The following CHAT variants were observed in gnomAD, a reference collection of about 807,000 sequenced individuals.
CHAT encodes choline O-acetyltransferase, also known as acetyl CoA:choline O-acetyltransferase.
A neutral mutation model predicts 76.9 loss-of-function variants in CHAT; 61 were observed. The observed-to-expected ratio is 0.79, with a 90% CI of 0.65 to 0.98. CHAT has a LOEUF of 0.98. CHAT is among the 50% of genes least tolerant of loss of function. The pLI, the probability that CHAT is intolerant of heterozygous loss-of-function variation, is 0.00. For missense variants in CHAT, 946 were observed against 986.9 expected (o/e 0.96, Z 0.56); for synonymous variants, 407 against 397.4 (o/e 1.02, Z -0.29).
chr10:49,654,557 T>A lies in CHAT; in HGVS notation c.1635-538T>A, dbSNP rs531392373. Reference sequence around the variant, plus strand: ...GCAGCCACTGCTGCTCAGGACACAGTCATCAGGGAAGAGAGGCACAGCCAT... The same window carrying A: ...GCAGCCACTGCTGCTCAGGACACAGACATCAGGGAAGAGAGGCACAGCCAT... On this transcript the variant is annotated intron_variant, in intron 11 of 14. Transcript: ENST00000337653. 2.6e-5 allele frequency among the ~76,000 whole-genome samples: 4 copies of A among 152,288 alleles called. No homozygotes were observed. In the East Asian group the frequency reaches 7.7e-4, roughly 29 times the overall value.
chr10:49,650,831 A>G (rs1158044078), intron 10 of CHAT, among the ~76,000 whole-genome samples: 1 of 152,080 alleles, frequency 6.6e-6, no homozygotes, highest in African/African-American at 2.4e-5. Flanking sequence ...GTGGGCATGG[A>G]GGGGCCTCAG....
In CHAT at chr10:49,619,780, A is replaced by T; in HGVS notation, c.443A>T (p.Gln148Leu). 1.9e-6 allele frequency: 3 copies of T among 1,614,084 alleles called. No homozygotes were observed. Among genetic ancestry groups the T allele is most frequent in the Non-Finnish European group, 2.5e-6 (3 of 1,180,040 alleles). Residue 148 changes from glutamine (Q) to leucine (L), a missense_variant, in exon 3 of 15, where the codon CAG becomes CTG. Around this residue, in one of 3 missense-constraint regions of CHAT, gnomAD observed 548 missense variants for 516.2 expected, o/e 1.06. Coordinates refer to ENST00000337653, the MANE Select transcript of CHAT (RefSeq NM_020549.5). Reference protein sequence around the residue: ...PLQQTLATYLQCMRHLVSEEQ... With the variant: ...PLQQTLATYLLCMRHLVSEEQ... ...CAGCAGACCCTGGCCACGTACCTGC[A>T]GTGCATGCGACACTTGGTGTCTGAG...
Position 49,650,685 on chromosome 10 carries a change from C to A in CHAT, c.1511+1049C>A, listed in dbSNP as rs1839848761. 3.3e-5 allele frequency among the ~76,000 whole-genome samples: 5 copies of A among 152,228 alleles called. No individual in the cohort carries two copies. The South Asian group carries it at 1.0e-3, about 32-fold the overall frequency. On this transcript the variant is annotated intron_variant, in intron 10 of 14. Coordinates refer to ENST00000337653, the MANE Select transcript of CHAT (RefSeq NM_020549.5). ...TGCCCTGCCACTGGAGGGTTCTGTG[C>A]AGGGGGTATGGGGACGCCCCTGAGG...
chr10:49,641,198 G>A lies in CHAT; in HGVS notation c.1112-5307G>A, dbSNP rs557184760. On this transcript the variant is annotated intron_variant, in intron 7 of 14. Coordinates refer to ENST00000337653, the MANE Select transcript of CHAT (RefSeq NM_020549.5). The stretch of plus-strand genomic sequence containing the variant: ...TAAGACCTTATTTAACTTTATCTCT[G>A]TAAAGGCCCTCCCTCCAAATAGAGT... Among the ~76,000 whole-genome samples, 6 of 152,270 alleles carry A rather than the reference G, an allele frequency of 3.9e-5. No individual in the cohort carries two copies. In the South Asian group the frequency reaches 1.2e-3, roughly 32 times the overall value.
chr10:49,664,842 C>G lies in CHAT; in HGVS notation c.2043C>G (p.Cys681Trp). Residue 681 changes from cysteine to tryptophan, a missense_variant, in exon 15 of 15, where the codon TGC becomes TGG. By Grantham distance (215) the Cys-to-Trp change is radical (BLOSUM62 -2). Transcript: ENST00000337653. Reference sequence around the variant, plus strand: ...TGGTCCCAAATGGGTATGGTGCCTGCTACAACCCCCAGCCAGAGACCATCC... The same window carrying G: ...TGGTCCCAAATGGGTATGGTGCCTGGTACAACCCCCAGCCAGAGACCATCC... ...GPVVPNGYGA[C>W]YNPQPETILF... 2 of 1,614,200 alleles carry G rather than the reference C, an allele frequency of 1.2e-6. No individual in the cohort carries two copies. The highest frequency in any genetic ancestry group is 2.2e-5 in the East Asian group (1 of 44,882).
upstream of CHAT, chr10:49,611,306 C>T (rs1316574267): frequency 6.2e-7 from 1 of 1,606,866 alleles, no homozygotes; most frequent in Non-Finnish European, 8.5e-7. Context: ...GGCCTGGGCT[C>T]AGCCTTCGCC....
chr10:49,610,824 C>T, upstream of CHAT: 2 of 1,606,592 alleles, frequency 1.2e-6, no homozygotes, highest in Non-Finnish European at 1.7e-6. Flanking sequence ...TGCAGGAGCC[C>T]CGGCGGCAGA....
chr10:49,648,493 CT>C lies in CHAT; in HGVS notation c.1282-11del, dbSNP rs1444029638. On this transcript the variant is annotated splice_polypyrimidine_tract_variant and intron_variant, in intron 8 of 14. Coordinates refer to ENST00000337653, the MANE Select transcript of CHAT (RefSeq NM_020549.5). ...ACTCTCCCATGATCGCCCACTCCCT[CT>C]TTCCTGTTGCAGTTTGTGGTGGGCC... 8 of 1,609,818 alleles carry C rather than the reference CT, an allele frequency of 5.0e-6. No individual in the cohort carries two copies. In the African/African-American group the frequency reaches 1.1e-4, roughly 22 times the overall value.
At chr10:49,653,305 G>T (rs1017417389) in intron 11 of CHAT, among the ~76,000 whole-genome samples, 4 of 152,146 alleles carry the variant, frequency 2.6e-5, no homozygotes, top group African/African-American at 9.7e-5. Flanking sequence ...CTTACAGGAG[G>T]CGAAGAAACC....
At chr10:49,617,008 G>T (rs1038440818) in intron 2 of CHAT, among the ~76,000 whole-genome samples, 1 of 152,124 alleles carries the variant, frequency 6.6e-6, no homozygotes, top group African/African-American at 2.4e-5. Flanking sequence ...CAGCCTTGGA[G>T]CCTTAGGCAC....
intron 7 of CHAT, among the ~76,000 whole-genome samples, chr10:49,643,470 G>C (rs760953973): frequency 3.5e-4 from 53 of 152,250 alleles, no homozygotes; most frequent in Non-Finnish European, 6.2e-4. Context: ...AGGCCTCCCC[G>C]GGGCTCTGAA....
Position 49,614,869 on chromosome 10 carries a change from T to G in CHAT, c.286+394T>G, listed in dbSNP as rs369527654. On this transcript the variant is annotated intron_variant, in intron 1 of 14. Transcript: ENST00000337653. ...GTGGGGAAGGAGGAGCAGTGGCTGG[T>G]GGCAAGTCTGAGCCAGGACATAGCC... is the stretch of plus-strand genomic sequence containing the variant. Among the ~76,000 whole-genome samples the G allele has an allele frequency of 1.3e-5, 2 of 152,132 alleles. 1 individual carries two copies. Among genetic ancestry groups the G allele is most frequent in the East Asian group, 3.9e-4 (2 of 5,182 alleles).
At chr10:49,615,829 G>A in intron 1 of CHAT, 1 of 586,858 alleles carries the variant, frequency 1.7e-6, no homozygotes, top group Non-Finnish European at 3.0e-6. Context: ...TACCTCCCTG[G>A]GCACTCCTAT....
At chr10:49,611,696 C>A (rs144950061), upstream of CHAT, 1 of 1,609,552 alleles carries the variant, frequency 6.2e-7, no homozygotes, top group South Asian at 1.1e-5. Context: ...ATGAAGCATA[C>A]GATGGCGGCT....
intron 8 of CHAT, chr10:49,647,007 G>A (rs1421610929): frequency 2.4e-6 from 1 of 420,352 alleles, no homozygotes; most frequent in Non-Finnish European, 4.5e-6. Context: ...TCACACCTGT[G>A]AGGTGGGGGT....
At chr10:49,639,681 T>A (rs1028887267) in intron 7 of CHAT, among the ~76,000 whole-genome samples, 4 of 152,162 alleles carry the variant, frequency 2.6e-5, no homozygotes, top group Non-Finnish European at 5.9e-5. Flanking sequence ...TTGACTATGA[T>A]ATGTTTTGGT....
chr10:49,648,538 T>A lies in CHAT; in HGVS notation c.1313T>A (p.Val438Glu). 1 of 1,613,946 alleles carries A rather than the reference T, an allele frequency of 6.2e-7. No individual in the cohort carries two copies. The highest frequency in any genetic ancestry group is 8.5e-7 in the Non-Finnish European group (1 of 1,179,930). Residue 438 changes from valine (V) to glutamate (E), a missense_variant, in exon 9 of 15, where the codon GTG (valine) becomes GAG (glutamate). Physicochemically the swap from Val to Glu is moderately radical, Grantham distance 121. Transcript: ENST00000337653. Reference protein sequence around the residue: ...FVVGRDGTCGVVCEHSPFDGI... With the variant: ...FVVGRDGTCGEVCEHSPFDGI... Reference sequence around the variant, plus strand: ...GTGGGCCGAGACGGCACCTGCGGTGTGGTGTGCGAACACTCCCCATTCGAT... The same window carrying A: ...GTGGGCCGAGACGGCACCTGCGGTGAGGTGTGCGAACACTCCCCATTCGAT...
chr10:49,614,806 A>T (rs1838423298), intron 1 of CHAT, among the ~76,000 whole-genome samples: 1 of 152,094 alleles, frequency 6.6e-6, no homozygotes, highest in African/African-American at 2.4e-5. Context: ...GACTCGCCTG[A>T]ATTGCTGGTT....
rs943697149 is a variant in CHAT at position 49,666,561 on chromosome 10, T to C, written c.*1515T>C. Among the ~76,000 whole-genome samples the C allele has an allele frequency of 5.9e-5, 9 of 152,264 alleles. No individual in the cohort carries two copies. In the South Asian group the frequency reaches 8.3e-4, roughly 14 times the overall value. On this transcript the variant is annotated 3_prime_UTR_variant, in exon 15 of 15. Transcript: ENST00000337653. ...TGTAGGTCTCCCTTCTTTGTGCCAC[T>C]GTGAAGGCTCTCCACACTTCGACCT...
Sources: allele counts gnomAD v4.1 joint callset (sites outside exome capture counted in the v4.1 genomes callset), GRCh38; gene constraint gnomAD v4.1.1; regional missense constraint gnomAD v4.1.1; transcripts MANE v1.5; gene names NCBI Gene and HGNC (gene_info 2026-07-23, HGNC 2026-07-21).